The following MRPL48 variants were observed in gnomAD, a reference collection of about 807,000 sequenced individuals.
MRPL48 encodes large ribosomal subunit protein mL48.
In MRPL48, 16 loss-of-function variants were observed where a neutral mutation model predicts 32.9. The observed-to-expected ratio is 0.49, with a 90% CI of 0.33 to 0.74. The LOEUF is 0.74. Among genes scored for constraint, MRPL48 ranks in the 30% least tolerant of loss-of-function variants. The pLI is 0.02. For missense variants in MRPL48, 206 were observed against 245.3 expected, an observed-to-expected ratio of 0.84 and a Z score of 1.07; for synonymous variants, 94 against 89.2, an observed-to-expected ratio of 1.05 and a Z score of -0.31.
chr11:73,854,724 A>G (rs1317518103), intron 5 of MRPL48, among the ~76,000 whole-genome samples: 1 of 152,256 alleles, frequency 6.6e-6, no homozygotes, highest in Non-Finnish European at 1.5e-5. Flanking sequence ...ACAACCAACC[A>G]AAACACTTTC....
intron 4 of MRPL48, among the ~76,000 whole-genome samples, chr11:73,826,474 C>G (rs978140816): frequency 1.1e-4 from 16 of 151,904 alleles, no homozygotes; most frequent in African/African-American, 3.9e-4. Context: ...ATAACTGATA[C>G]TTTTTTGTTT....
At chr11:73,812,931 A>T (rs1186166814) in intron 3 of MRPL48, among the ~76,000 whole-genome samples, 3 of 150,490 alleles carry the variant, frequency 2.0e-5, no homozygotes, top group Non-Finnish European at 1.5e-5. Flanking sequence ...TGTATTTATT[A>T]GTAGAGACAG....
chr11:73,805,711 T>C (rs1268304890), intron 2 of MRPL48, among the ~76,000 whole-genome samples: 1 of 148,498 alleles, frequency 6.7e-6, no homozygotes, highest in Non-Finnish European at 1.5e-5. Context: ...CAGGCTGGAG[T>C]GCAGTGGCAT....
chr11:73,835,728 A>G (rs754447104), intron 4 of MRPL48, among the ~76,000 whole-genome samples: 53 of 151,802 alleles, frequency 3.5e-4, no homozygotes, highest in Admixed American at 2.6e-4. Context: ...GTGAAACCCC[A>G]TTTCTACTAA....
At chr11:73,794,227 T>C (rs556729689) in intron 1 of MRPL48, among the ~76,000 whole-genome samples, 86 of 146,688 alleles carry the variant, frequency 5.9e-4, no homozygotes, top group Admixed American at 2.1e-3. Context: ...TATCTATCTA[T>C]CTAAACTATC....
intron 5 of MRPL48, among the ~76,000 whole-genome samples, chr11:73,854,844 A>AT (rs968348561): frequency 9.2e-5 from 14 of 152,124 alleles, no homozygotes; most frequent in Admixed American, 3.9e-4. Flanking sequence ...AGCTAAGTAC[A>AT]TTTTTTTGTG....
rs150924577 is a variant in MRPL48 at position 73,796,247 on chromosome 11, G to A, written c.21+8255G>A. 8.5e-5 allele frequency among the ~76,000 whole-genome samples: 13 copies of A among 152,358 alleles called. No homozygotes were observed. In the East Asian group the frequency reaches 2.5e-3, roughly 29 times the overall value. Reference sequence around the variant, plus strand: ...CGCCCAAACTGTGACTGCGGACCCAGGCATCTGTGTACTCTTGTGGGGCCC... The same window carrying A: ...CGCCCAAACTGTGACTGCGGACCCAAGCATCTGTGTACTCTTGTGGGGCCC... On this transcript the variant is annotated intron_variant, in intron 1 of 7. Transcript: ENST00000310614.
At chr11:73,801,206 C>A (rs1383099137) in intron 1 of MRPL48, among the ~76,000 whole-genome samples, 1 of 152,118 alleles carries the variant, frequency 6.6e-6, no homozygotes, top group African/African-American at 2.4e-5. Flanking sequence ...AGAAAGCAGT[C>A]TCATTTTGAT....
At chr11:73,817,179 G>C (rs1947693538) in intron 3 of MRPL48, among the ~76,000 whole-genome samples, 1 of 152,100 alleles carries the variant, frequency 6.6e-6, no homozygotes, top group African/African-American at 2.4e-5. Context: ...ACGTTAAATG[G>C]CTATTGGAAA....
At chr11:73,813,338 A>AT (rs532905509) in intron 3 of MRPL48, among the ~76,000 whole-genome samples, 5 of 149,118 alleles carry the variant, frequency 3.4e-5, no homozygotes, top group Admixed American at 2.7e-4. Flanking sequence ...CGCCTGGCTA[A>AT]TTTTTTTGTA....
chr11:73,859,267 TTTTTC>T (rs1341161350), intron 5 of MRPL48, among the ~76,000 whole-genome samples: 30 of 151,846 alleles, frequency 2.0e-4, no homozygotes, highest in Non-Finnish European at 3.4e-4. Context: ...TTCTTTTTTC[TTTTTC>T]TTTTCTTTTC....
Position 73,863,177 on chromosome 11 carries a change from C to A in MRPL48, c.480C>A (p.Ser160Arg), listed in dbSNP as rs868841625. The A allele has an allele frequency of 6.3e-7, 1 of 1,580,926 alleles. No homozygotes were observed. Among genetic ancestry groups the A allele is most frequent in the Non-Finnish European group, 8.6e-7 (1 of 1,163,250 alleles). Residue 160 changes from serine to arginine, a missense_variant, in exon 7 of 8, where the codon AGC becomes AGA. By Grantham distance (110) the Ser-to-Arg change is moderately radical (BLOSUM62 -1). Coordinates refer to ENST00000310614, the MANE Select transcript of MRPL48 (RefSeq NM_016055.6). ...CACCTTCTTTCATTTTGCAGATCAG[C>A]GGTTTGAGTGCTACGTTTGCAGAAA... ...LTTHERVVQI[S>R]GLSATFAEIF...
intron 4 of MRPL48, among the ~76,000 whole-genome samples, chr11:73,838,562 C>G (rs1948140737): frequency 6.6e-6 from 1 of 152,178 alleles, no homozygotes; most frequent in African/African-American, 2.4e-5. Flanking sequence ...AAATTTCAGC[C>G]ACTCTCCATT....
chr11:73,793,512 G>A (rs765516778), intron 1 of MRPL48, among the ~76,000 whole-genome samples: 10 of 152,184 alleles, frequency 6.6e-5, no homozygotes, highest in Non-Finnish European at 1.5e-4. Context: ...GTTTTCTTGA[G>A]GACGTTGCAT....
At chr11:73,821,394 C>A (rs951955870) in intron 3 of MRPL48, among the ~76,000 whole-genome samples, 2 of 152,122 alleles carry the variant, frequency 1.3e-5, no homozygotes, top group African/African-American at 4.8e-5. Context: ...TTGGCCTTGT[C>A]CCCAACCCTT....
At chr11:73,812,218 C>G (rs1431539959) in intron 3 of MRPL48, among the ~76,000 whole-genome samples, 1 of 152,044 alleles carries the variant, frequency 6.6e-6, no homozygotes, top group Non-Finnish European at 1.5e-5. Context: ...TCATGATATC[C>G]ACTGATAGCA....
At chr11:73,820,044 G>C (rs1947746156) in intron 3 of MRPL48, among the ~76,000 whole-genome samples, 1 of 152,190 alleles carries the variant, frequency 6.6e-6, no homozygotes, top group Non-Finnish European at 1.5e-5. Flanking sequence ...GGAGGGTGTA[G>C]GTGCAGATCA....
At chr11:73,844,647 C>G (rs1310131409) in intron 4 of MRPL48, among the ~76,000 whole-genome samples, 160 bp from the exon 5 acceptor site, 2 of 152,200 alleles carry the variant, frequency 1.3e-5, no homozygotes, top group African/African-American at 4.8e-5. Flanking sequence ...GGAAGCTGCT[C>G]TTTCCTTCCC....
chr11:73,865,009 T>G lies in MRPL48; in HGVS notation c.*639T>G, dbSNP rs557481711. 2 of 152,684 alleles carry G rather than the reference T, an allele frequency of 1.3e-5. No individual in the cohort carries two copies. Among genetic ancestry groups the G allele is most frequent in the Non-Finnish European group, 2.9e-5 (2 of 68,364 alleles). The allele number at this position is 152,684 out of a possible 1,614,324, so 9.5% of individuals were successfully genotyped here. ...GGTTTTACCATGTTAGCCAAGATGG[T>G]CTCGATCTCCTGACCTCGTGATCCG... On this transcript the variant is annotated 3_prime_UTR_variant, in exon 8 of 8. Transcript: ENST00000310614.
Sources: allele counts gnomAD v4.1 joint callset (sites outside exome capture counted in the v4.1 genomes callset), GRCh38; gene constraint gnomAD v4.1.1; transcripts MANE v1.5; gene names NCBI Gene and HGNC (gene_info 2026-07-23, HGNC 2026-07-21).